Variants in PTPRT observed in about 807,000 individuals in gnomAD.
The protein encoded by PTPRT is protein tyrosine phosphatase receptor type T.
Under a neutral mutation model 176.8 loss-of-function variants are expected in PTPRT, and 56 were observed. That is an observed-to-expected ratio of 0.32 (90% CI 0.26 to 0.40). The LOEUF (loss-of-function observed/expected upper bound fraction) is 0.40. PTPRT is among the 10% of genes least tolerant of loss of function. PTPRT has a pLI of 1.00. For missense variants in PTPRT, 1,540 were observed against 1,908.2 expected (o/e 0.81, Z 3.60); for synonymous variants, 783 against 739.0 (o/e 1.06, Z -0.96).
Position 43,093,539 on chromosome 20 carries a change from C to T in PTPRT, c.88+96107G>A, listed in dbSNP as rs139269030. 1.9e-3 allele frequency among the ~76,000 whole-genome samples: 287 copies of T among 152,342 alleles called. 1 individual carries two copies. Among genetic ancestry groups the T allele is most frequent in the African/African-American group, 6.7e-3 (277 of 41,578 alleles). On this transcript the variant is annotated intron_variant, in intron 1 of 30. Coordinates refer to ENST00000373187, the MANE Select transcript of PTPRT (RefSeq NM_007050.6). Reference sequence around the variant, plus strand: ...GAATGCACAGGTGTATGCTCACACGCATGCACACACACAACAGGTCTGTTA... The same window carrying T: ...GAATGCACAGGTGTATGCTCACACGTATGCACACACACAACAGGTCTGTTA...
intron 1 of PTPRT, among the ~76,000 whole-genome samples, chr20:43,140,142 C>T (rs959424795): frequency 1.3e-5 from 2 of 152,064 alleles, no homozygotes; most frequent in African/African-American, 4.8e-5. Flanking sequence ...TGTGTGTGTG[C>T]ATATCCTTTT....
intron 1 of PTPRT, among the ~76,000 whole-genome samples, chr20:43,007,441 A>T (rs1430738999): frequency 1.3e-5 from 2 of 152,172 alleles, no homozygotes; most frequent in Non-Finnish European, 2.9e-5. Context: ...TTATCATTTC[A>T]CTTTCAATAA....
chr20:42,438,273 A>G (rs968394284), intron 9 of PTPRT, among the ~76,000 whole-genome samples: 10 of 152,180 alleles, frequency 6.6e-5, no homozygotes, highest in African/African-American at 2.4e-4. Context: ...TTTAACCGGG[A>G]GACTTTTGTT....
chr20:42,614,447 C>A (rs1190648221), intron 7 of PTPRT, among the ~76,000 whole-genome samples: 1 of 152,156 alleles, frequency 6.6e-6, no homozygotes, highest in East Asian at 1.9e-4. Flanking sequence ...ACCTATGCCC[C>A]AATCAGGGTC....
At chr20:42,851,499 G>T (rs1253487357) in intron 2 of PTPRT, among the ~76,000 whole-genome samples, 2 of 151,980 alleles carry the variant, frequency 1.3e-5, no homozygotes, top group African/African-American at 4.8e-5. Flanking sequence ...CCTACCTGGG[G>T]TATTCCTTTT....
chr20:42,809,020 C>T (rs1436858671), intron 2 of PTPRT, among the ~76,000 whole-genome samples: 1 of 152,168 alleles, frequency 6.6e-6, no homozygotes, highest in African/African-American at 2.4e-5. Context: ...GGAAACGTGG[C>T]TTCTGGGCTT....
chr20:42,794,725 T>C, intron 2 of PTPRT, among the ~76,000 whole-genome samples: 1 of 152,190 alleles, frequency 6.6e-6, no homozygotes, highest in Non-Finnish European at 1.5e-5. Context: ...CAGTAGCTAC[T>C]AAGCAAAGTT....
intron 1 of PTPRT, among the ~76,000 whole-genome samples, chr20:43,024,589 CAAAA>C (rs34972558): frequency 1.2e-5 from 1 of 81,398 alleles, no homozygotes. Context: ...GACTCCATCT[CAAAA>C]AAAAAAAAAA....
At chr20:42,206,407 G>A (rs1315579033) in intron 15 of PTPRT, among the ~76,000 whole-genome samples, 2 of 152,220 alleles carry the variant, frequency 1.3e-5, no homozygotes, top group African/African-American at 2.4e-5. Flanking sequence ...GACAGTGGGC[G>A]CAGGTCAGTG....
At chr20:42,866,879 G>A (rs1393315784) in intron 2 of PTPRT, among the ~76,000 whole-genome samples, 1 of 152,152 alleles carries the variant, frequency 6.6e-6, no homozygotes, top group Non-Finnish European at 1.5e-5. Flanking sequence ...TGTAAAATGG[G>A]CTGTTACCAC....
intron 1 of PTPRT, among the ~76,000 whole-genome samples, chr20:43,171,342 G>GTGTA: frequency 6.6e-6 from 1 of 152,308 alleles, no homozygotes; most frequent in Non-Finnish European, 1.5e-5. Context: ...CCCCGACTAT[G>GTGTA]TGTAGGAATT....
chr20:42,805,406 G>T (rs2077591423), intron 2 of PTPRT, among the ~76,000 whole-genome samples: 1 of 152,174 alleles, frequency 6.6e-6, no homozygotes, highest in Non-Finnish European at 1.5e-5. Flanking sequence ...AATGGGAAAG[G>T]AGCAAGCACC....
intron 1 of PTPRT, among the ~76,000 whole-genome samples, chr20:42,973,464 T>A (rs1982773980): frequency 6.6e-6 from 1 of 152,138 alleles, no homozygotes; most frequent in Non-Finnish European, 1.5e-5. Flanking sequence ...TGTTTGTGTG[T>A]GTGTGTGTGC....
chr20:42,212,535 A>G (rs1158898331), intron 15 of PTPRT, among the ~76,000 whole-genome samples: 1 of 152,106 alleles, frequency 6.6e-6, no homozygotes, highest in Non-Finnish European at 1.5e-5. Flanking sequence ...ATAGCAGTTA[A>G]TATACTGGCT....
At chr20:42,595,419 A>G (rs1243247308) in intron 7 of PTPRT, among the ~76,000 whole-genome samples, 1 of 152,054 alleles carries the variant, frequency 6.6e-6, no homozygotes, top group Non-Finnish European at 1.5e-5. Context: ...ACAAGCAGAA[A>G]TGGGTCCAGA....
chr20:42,403,725 T>C (rs2058933061), intron 9 of PTPRT, among the ~76,000 whole-genome samples: 1 of 152,036 alleles, frequency 6.6e-6, no homozygotes, highest in Admixed American at 6.6e-5. Context: ...GACCTGTGGG[T>C]CTCTGCTTTC....
At chr20:42,717,354 CT>C (rs2076241261) in intron 6 of PTPRT, among the ~76,000 whole-genome samples, 1 of 151,924 alleles carries the variant, frequency 6.6e-6, no homozygotes, top group South Asian at 2.1e-4. Flanking sequence ...AAAATAAACC[CT>C]TACATATGCA....
intron 1 of PTPRT, among the ~76,000 whole-genome samples, chr20:43,092,635 G>C (rs1409657135): frequency 6.6e-6 from 1 of 152,194 alleles, no homozygotes; most frequent in Non-Finnish European, 1.5e-5. Flanking sequence ...CTAAACTGAA[G>C]TGAAAGTGAT....
intron 18 of PTPRT, among the ~76,000 whole-genome samples, chr20:42,140,012 G>T (rs1988549850): frequency 6.6e-6 from 1 of 152,244 alleles, no homozygotes; most frequent in Non-Finnish European, 1.5e-5. Flanking sequence ...AATTATAAAT[G>T]TTTTCTGATT....
Sources: allele counts gnomAD v4.1 joint callset (sites outside exome capture counted in the v4.1 genomes callset), GRCh38; gene constraint gnomAD v4.1.1; transcripts MANE v1.5; gene names NCBI Gene and HGNC (gene_info 2026-07-23, HGNC 2026-07-21).